Variants in PRUNE2 observed in about 807,000 individuals in gnomAD.
The protein encoded by PRUNE2 is protein prune homolog 2.
Under a neutral mutation model 252.0 loss-of-function variants are expected in PRUNE2, and 164 were observed. The ratio of observed to expected loss-of-function variants is 0.65; its 90% CI spans 0.57 to 0.74. The LOEUF (loss-of-function observed/expected upper bound fraction) is 0.74. Among genes scored for constraint, PRUNE2 ranks in the 30% least tolerant of loss-of-function variants. The pLI is 0.00. For synonymous variants in PRUNE2, 1,292 were observed against 1,350.2 expected (o/e 0.96, Z 0.94); for missense variants, 3,495 against 3,711.0 (o/e 0.94, Z 1.51).
intron 6 of PRUNE2, among the ~76,000 whole-genome samples, chr9:76,822,057 T>A (rs1372141746): frequency 6.6e-6 from 1 of 152,200 alleles, no homozygotes; most frequent in African/African-American, 2.4e-5. Context: ...CTTGAACTAG[T>A]AGAAATGATT....
At chr9:76,620,140 ATTTT>A (rs59150159) in intron 17 of PRUNE2, among the ~76,000 whole-genome samples, 2 of 127,138 alleles carry the variant, frequency 1.6e-5, no homozygotes. Flanking sequence ...CCCTCCCATA[ATTTT>A]TTTTTTTTTT....
At chr9:76,792,651 T>C (rs1259295514) in intron 6 of PRUNE2, among the ~76,000 whole-genome samples, 4 of 152,238 alleles carry the variant, frequency 2.6e-5, no homozygotes, top group Non-Finnish European at 5.9e-5. Flanking sequence ...GTACATTTTG[T>C]CCACTACTTA....
At chr9:76,644,660 AAG>A (rs960864137) in intron 12 of PRUNE2, 77 bp downstream of exon 12, 10 of 1,334,454 alleles carry the variant, frequency 7.5e-6, no homozygotes, top group Non-Finnish European at 1.1e-5. Context: ...TGTTCCGGAG[AAG>A]TCTAGACTCA....
chr9:76,846,771 T>A (rs2059691039), intron 3 of PRUNE2, 93 bp from the exon 4 acceptor site: 1 of 1,123,934 alleles, frequency 8.9e-7, no homozygotes, highest in Non-Finnish European at 1.3e-6. Context: ...CACAAATGGC[T>A]TCCTCTCAAT....
chr9:76,646,551 G>A (rs7848716), intron 11 of PRUNE2, among the ~76,000 whole-genome samples: 13 of 152,288 alleles, frequency 8.5e-5, no homozygotes, highest in South Asian at 8.3e-4. Flanking sequence ...CAGGCCAAGC[G>A]TCGTGTCCCT....
In PRUNE2 at chr9:76,638,304, A is replaced by T; in HGVS notation, c.8729-16T>A. On this transcript the variant is annotated splice_polypyrimidine_tract_variant and intron_variant, in intron 12 of 18. Coordinates refer to ENST00000376718, the MANE Select transcript of PRUNE2 (RefSeq NM_015225.3). ...CCATAGTATCCTGGGGGACAAACAA[A>T]AAGACACTTGTAACCAATTGAAAGC... 4 of 1,561,866 alleles carry T rather than the reference A, an allele frequency of 2.6e-6. No homozygotes were observed. Among genetic ancestry groups the T allele is most frequent in the Non-Finnish European group, 2.6e-6 (3 of 1,133,236 alleles).
intron 9 of PRUNE2, among the ~76,000 whole-genome samples, chr9:76,683,200 G>A (rs2043673592): frequency 6.6e-6 from 1 of 152,176 alleles, no homozygotes; most frequent in East Asian, 1.9e-4. Flanking sequence ...CAGAGTGATT[G>A]GTTCCACGAA....
At chr9:76,836,110 C>T (rs1458925005) in intron 4 of PRUNE2, among the ~76,000 whole-genome samples, 3 of 152,042 alleles carry the variant, frequency 2.0e-5, no homozygotes, top group Non-Finnish European at 4.4e-5. Context: ...AACACACACG[C>T]ACACAAATAC....
At chr9:76,641,992 T>C in intron 12 of PRUNE2, 1 of 1,169,912 alleles carries the variant, frequency 8.5e-7, no homozygotes, top group Admixed American at 3.6e-5. Context: ...TATAATGAAA[T>C]AAGAGAAGTA....
intron 1 of PRUNE2, among the ~76,000 whole-genome samples, chr9:76,893,357 A>G (rs1258562560): frequency 6.6e-6 from 1 of 152,232 alleles, no homozygotes; most frequent in Admixed American, 6.5e-5. Context: ...ACACAACGAG[A>G]AATCGTAAAT....
intron 6 of PRUNE2, among the ~76,000 whole-genome samples, chr9:76,782,049 C>T (rs1389495951): frequency 2.0e-5 from 3 of 152,108 alleles, no homozygotes; most frequent in South Asian, 2.1e-4. Flanking sequence ...CCCATCTCTA[C>T]TAAAAATACA....
chr9:76,734,332 A>G (rs1005427746), intron 6 of PRUNE2, among the ~76,000 whole-genome samples: 4 of 152,204 alleles, frequency 2.6e-5, no homozygotes, highest in Non-Finnish European at 4.4e-5. Context: ...GCACAAAAAA[A>G]GTTTAAATTT....
chr9:76,830,402 C>T (rs564773804), intron 4 of PRUNE2, among the ~76,000 whole-genome samples: 2 of 152,218 alleles, frequency 1.3e-5, no homozygotes, highest in East Asian at 3.9e-4. Context: ...CCTGTAATCC[C>T]AGCACTTTGG....
Position 76,872,278 on chromosome 9 carries a change from G to A in PRUNE2, c.37-18070C>T, listed in dbSNP as rs1052355552. ...TGCCCCTCAATGGGCTTCTAGAAAC[G>A]TCTCTTCTAAGAAGTGGAGGAAGAG... On this transcript the variant is annotated intron_variant, in intron 1 of 18. Coordinates refer to ENST00000376718, the MANE Select transcript of PRUNE2 (RefSeq NM_015225.3). Among the ~76,000 whole-genome samples the A allele has an allele frequency of 9.9e-5, 15 of 152,112 alleles. 1 individual carries two copies. Among genetic ancestry groups the A allele is most frequent in the African/African-American group, 1.9e-4 (8 of 41,414 alleles).
chr9:76,649,331 T>C (rs767003644), intron 11 of PRUNE2, among the ~76,000 whole-genome samples: 1 of 136,492 alleles, frequency 7.3e-6, no homozygotes, highest in Non-Finnish European at 1.6e-5. Context: ...GCATGTTCTA[T>C]ACAGATTGTT....
Position 76,708,386 on chromosome 9 carries a change from A to G in PRUNE2, c.3888T>C (p.Asp1296=), listed in dbSNP as rs1472164373. ...QDTERETLQS[D]AASLATRLEN... is the part of the protein sequence containing the mutation. ...CAAGCCTAGTCGCCAAGGATGCTGC[A>G]TCACTTTGCAGGGTTTCCCTCTCTG... is the stretch of plus-strand genomic sequence containing the variant. The change falls in exon 8 of 19, where the codon GAT becomes GAC. Residue 1296 remains aspartate, a synonymous_variant. Transcript: ENST00000376718. 2 of 1,613,850 alleles carry G rather than the reference A, an allele frequency of 1.2e-6. No individual in the cohort carries two copies. The highest frequency in any genetic ancestry group is 1.7e-6 in the Non-Finnish European group (2 of 1,179,878).
In PRUNE2 at chr9:76,711,023, C is replaced by T; in HGVS notation, c.1251G>A (p.Val417=). 1 of 1,613,942 alleles carries T rather than the reference C, an allele frequency of 6.2e-7. No homozygotes were observed. Among genetic ancestry groups the T allele is most frequent in the Non-Finnish European group, 8.5e-7 (1 of 1,179,852 alleles). The part of the protein sequence containing the change: ...PDLNDSNQAQ[V]DANVDLVSPD... ...GGCTAACAAGGTCTACATTGGCATC[C>T]ACCTGAGCCTGGTTAGAATCATTGA... Residue 417 remains valine, a synonymous_variant, in exon 8 of 19, where the codon GTG becomes GTA. Coordinates refer to ENST00000376718, the MANE Select transcript of PRUNE2 (RefSeq NM_015225.3).
At chr9:76,741,766 G>A (rs1324288356) in intron 6 of PRUNE2, among the ~76,000 whole-genome samples, 1 of 152,140 alleles carries the variant, frequency 6.6e-6, no homozygotes, top group Non-Finnish European at 1.5e-5. Flanking sequence ...TTGTCTCCTT[G>A]CAGTCAGCTT....
At position 76,704,599 on chromosome 9, in the gene PRUNE2, G is replaced by C. The variant is rs565750372; in HGVS notation, c.7513+162C>G. Among the ~76,000 whole-genome samples the C allele has an allele frequency of 7.9e-5, 12 of 152,342 alleles. No individual in the cohort carries two copies. The South Asian group carries it at 1.2e-3, about 16-fold the overall frequency. On this transcript the variant is annotated intron_variant, in intron 8 of 18. Coordinates refer to ENST00000376718, the MANE Select transcript of PRUNE2 (RefSeq NM_015225.3). ...AGGAATAGGTATTACATATGCACTA[G>C]ATTTTACTGCTGTTATAATACAGGA...
Sources: allele counts gnomAD v4.1 joint callset (sites outside exome capture counted in the v4.1 genomes callset), GRCh38; gene constraint gnomAD v4.1.1; transcripts MANE v1.5; gene names NCBI Gene and HGNC (gene_info 2026-07-23, HGNC 2026-07-21).